ARSJ: variants seen among roughly 807,000 people sequenced by gnomAD.
ARSJ encodes arylsulfatase family member J.
A neutral mutation model predicts 35.9 loss-of-function variants in ARSJ; 26 were observed. The observed-to-expected ratio is 0.72, with a 90% CI of 0.53 to 1.00. The LOEUF is 1.00. ARSJ is among the 50% of genes least tolerant of loss of function. The probability of loss-of-function intolerance (pLI) is 0.00; values close to 1 mark genes in which losing one functional copy is unlikely to be tolerated. For synonymous variants in ARSJ, 294 were observed against 267.6 expected, an observed-to-expected ratio of 1.10 and a Z score of -0.96; for missense variants, 667 against 723.6, an observed-to-expected ratio of 0.92 and a Z score of 0.90.
chr4:113,925,358 G>A (rs561185691), intron 1 of ARSJ, among the ~76,000 whole-genome samples: 38 of 152,110 alleles, frequency 2.5e-4, no homozygotes, highest in African/African-American at 7.7e-4. Context: ...GGGTGATGGC[G>A]AATGGTACCT....
chr4:113,979,270 G>C lies in ARSJ; in HGVS notation c.-436C>G, dbSNP rs1475379494. ...TGGGAGTGCTGGTACGGAGGGCGGCGGGATCGGCCGTCTGTCCTGCGGTCC... is the reference window on the plus strand; with the variant it reads ...TGGGAGTGCTGGTACGGAGGGCGGCCGGATCGGCCGTCTGTCCTGCGGTCC... On this transcript the variant is annotated 5_prime_UTR_variant, in exon 1 of 2. Coordinates refer to ENST00000315366, the MANE Select transcript of ARSJ (RefSeq NM_024590.4). The C allele has an allele frequency of 6.2e-6, 1 of 161,406 alleles. No individual in the cohort carries two copies. Among genetic ancestry groups the C allele is most frequent in the African/African-American group, 2.4e-5 (1 of 41,578 alleles). 10.0% of individuals were successfully genotyped at this position (161,406 alleles called of 1,614,324 possible).
At chr4:113,921,201 A>C (rs1348288118) in intron 1 of ARSJ, among the ~76,000 whole-genome samples, 2 of 152,288 alleles carry the variant, frequency 1.3e-5, no homozygotes, top group Middle Eastern at 3.4e-3. Flanking sequence ...GGCCCATAAA[A>C]AATTGATTAC....
At chr4:113,953,489 A>T (rs1725986282) in intron 1 of ARSJ, among the ~76,000 whole-genome samples, 2 of 152,092 alleles carry the variant, frequency 1.3e-5, no homozygotes, top group Admixed American at 1.3e-4. Context: ...GCTTTTTAAA[A>T]GTTATATGTA....
At chr4:113,922,083 T>C (rs768924706) in intron 1 of ARSJ, among the ~76,000 whole-genome samples, 2 of 152,126 alleles carry the variant, frequency 1.3e-5, no homozygotes, top group South Asian at 4.1e-4. Context: ...GTGAGGAAGG[T>C]GAAGTAATGT....
rs182691619 is a variant in ARSJ at position 113,975,266 on chromosome 4, G to C, written c.398+3171C>G. ...ACATTTGTTAACAGTGATCATCATGGTATTTCAAGTGGGATAAATGAGTAA... is the reference window on the plus strand; with the variant it reads ...ACATTTGTTAACAGTGATCATCATGCTATTTCAAGTGGGATAAATGAGTAA... On this transcript the variant is annotated intron_variant, in intron 1 of 1. Transcript: ENST00000315366. Among the ~76,000 whole-genome samples the C allele has an allele frequency of 1.1e-4, 17 of 152,182 alleles. No homozygotes were observed. The East Asian group carries it at 3.3e-3, about 29-fold the overall frequency.
intron 1 of ARSJ, among the ~76,000 whole-genome samples, chr4:113,910,977 A>C (rs2099670264): frequency 6.6e-6 from 1 of 152,158 alleles, no homozygotes; most frequent in Non-Finnish European, 1.5e-5. Flanking sequence ...GTTTCAGTGC[A>C]TTCAGGAGTA....
intron 1 of ARSJ, among the ~76,000 whole-genome samples, chr4:113,973,293 C>A (rs1362806295): frequency 6.6e-6 from 1 of 152,154 alleles, no homozygotes; most frequent in Admixed American, 6.5e-5. Context: ...TCACTATTAT[C>A]TATGTTTTCA....
intron 1 of ARSJ, among the ~76,000 whole-genome samples, chr4:113,964,240 T>A (rs1394771533): frequency 1.3e-5 from 2 of 152,060 alleles, no homozygotes; most frequent in African/African-American, 4.8e-5. Flanking sequence ...GAAAACCAGA[T>A]AAAATTCATA....
chr4:113,924,113 A>G (rs7688520), intron 1 of ARSJ, among the ~76,000 whole-genome samples: 101,942 of 130,500 alleles, frequency 0.78, 40,288 homozygotes, highest in East Asian at 0.87. Flanking sequence ...ATATATATAT[A>G]TATATATAAA....
At chr4:113,963,365 G>A (rs1032100868) in intron 1 of ARSJ, among the ~76,000 whole-genome samples, 6 of 151,988 alleles carry the variant, frequency 3.9e-5, no homozygotes, top group African/African-American at 1.2e-4. Flanking sequence ...GAGGCCTCAG[G>A]AAACTTACAA....
In ARSJ at chr4:113,903,151, G is replaced by A. The variant is rs753515501; in HGVS notation, c.923C>T (p.Thr308Ile). ...SCLDEAINNV[T>I]LALKTYGFYN... ...GAAACCATAAGTCTTTAGAGCCAAT[G>A]TCACGTTGTTGATTGCTTCATCTAA... Residue 308 changes from threonine to isoleucine, a missense_variant, in exon 2 of 2, where the codon ACA becomes ATA. Transcript: ENST00000315366. 2 of 1,614,186 alleles carry A rather than the reference G, an allele frequency of 1.2e-6. No individual in the cohort carries two copies. The highest frequency in any genetic ancestry group is 1.7e-6 in the Non-Finnish European group (2 of 1,180,040).
At chr4:113,932,600 T>A (rs974717446) in intron 1 of ARSJ, among the ~76,000 whole-genome samples, 3 of 151,946 alleles carry the variant, frequency 2.0e-5, no homozygotes, top group Admixed American at 6.6e-5. Flanking sequence ...AACATGCTCC[T>A]GAATGACCAG....
chr4:113,916,602 T>C (rs935626176), intron 1 of ARSJ, among the ~76,000 whole-genome samples: 1 of 152,112 alleles, frequency 6.6e-6, no homozygotes, highest in Non-Finnish European at 1.5e-5. Context: ...TGTGTGCAAG[T>C]GGTGAAATCA....
chr4:113,903,421 C>A lies in ARSJ; in HGVS notation c.653G>T (p.Cys218Phe), dbSNP rs749795938. The A allele has an allele frequency of 1.2e-6, 2 of 1,614,170 alleles. No individual in the cohort carries two copies. The highest frequency in any genetic ancestry group is 1.7e-6 in the Non-Finnish European group (2 of 1,180,014). ...THYKCDSPGMCGYDLYENDNA... is the reference protein window; with the variant it reads ...THYKCDSPGMFGYDLYENDNA... ...GTCGTTTTCATACAAGTCATAGCCACACATCCCAGGACTGTCACATTTGTA... is the reference window on the plus strand; with the variant it reads ...GTCGTTTTCATACAAGTCATAGCCAAACATCCCAGGACTGTCACATTTGTA... Residue 218 changes from cysteine to phenylalanine, a missense_variant, in exon 2 of 2, where the codon TGT becomes TTT. Cys to Phe is a radical substitution (Grantham distance 205, BLOSUM62 -2). Transcript: ENST00000315366.
At chr4:113,955,282 C>G (rs764581160) in intron 1 of ARSJ, among the ~76,000 whole-genome samples, 19 of 151,982 alleles carry the variant, frequency 1.3e-4, no homozygotes, top group Non-Finnish European at 2.1e-4. Context: ...CAGTTACCTT[C>G]TCCTCACCCC....
chr4:113,958,407 T>G (rs1726327625), intron 1 of ARSJ, among the ~76,000 whole-genome samples: 1 of 152,074 alleles, frequency 6.6e-6, no homozygotes, highest in South Asian at 2.1e-4. Context: ...ATCAATATTA[T>G]GACTAAAGAC....
intron 1 of ARSJ, among the ~76,000 whole-genome samples, chr4:113,947,600 G>GGAGA (rs1262125603): frequency 1.8e-5 from 2 of 111,326 alleles, no homozygotes; most frequent in Non-Finnish European, 2.0e-5. Flanking sequence ...AAGGAGAGAG[G>GGAGA]GAGAGAGAGG....
intron 1 of ARSJ, chr4:113,906,760 T>C (rs941288423): frequency 8.8e-6 from 4 of 456,000 alleles, no homozygotes; most frequent in Non-Finnish European, 1.8e-5. Flanking sequence ...AAAATAGGGA[T>C]AATAATACAT....
chr4:113,943,823 A>G (rs998546738), intron 1 of ARSJ, among the ~76,000 whole-genome samples: 1 of 152,036 alleles, frequency 6.6e-6, no homozygotes. Flanking sequence ...CAGTATGTTC[A>G]TGAACAGAGG....
Sources: allele counts gnomAD v4.1 joint callset (sites outside exome capture counted in the v4.1 genomes callset), GRCh38; gene constraint gnomAD v4.1.1; transcripts MANE v1.5; gene names NCBI Gene and HGNC (gene_info 2026-07-23, HGNC 2026-07-21).